LY86: variants seen among roughly 807,000 people sequenced by gnomAD.
LY86 encodes the protein lymphocyte antigen 86, also known as MD-1, RP105-associated.
In LY86, 20 loss-of-function variants were observed where a neutral mutation model predicts 17.3. The observed-to-expected ratio is 1.15, with a 90% CI of 0.81 to 1.68. The LOEUF (loss-of-function observed/expected upper bound fraction) is 1.68. Among genes scored for constraint, LY86 ranks in the 40% most tolerant of loss-of-function variants. The probability of loss-of-function intolerance (pLI) is 0.00; values close to 1 mark genes in which losing one functional copy is unlikely to be tolerated. For missense variants in LY86, 200 were observed against 191.9 expected, an observed-to-expected ratio of 1.04 and a Z score of -0.25; for synonymous variants, 74 against 70.6, an observed-to-expected ratio of 1.05 and a Z score of -0.24.
At chr6:6,629,342 T>C (rs1761863093) in intron 3 of LY86, among the ~76,000 whole-genome samples, 1 of 152,242 alleles carries the variant, frequency 6.6e-6, no homozygotes, top group South Asian at 2.1e-4. Flanking sequence ...TAAATTGTTT[T>C]AACCCACCCA....
At chr6:6,605,674 T>TC (rs1761097923) in intron 1 of LY86, among the ~76,000 whole-genome samples, 1 of 152,252 alleles carries the variant, frequency 6.6e-6, no homozygotes, top group African/African-American at 2.4e-5. Flanking sequence ...ATTGATGGGT[T>TC]CTTCATCTCA....
chr6:6,627,375 A>C (rs185942370), intron 3 of LY86, among the ~76,000 whole-genome samples: 6 of 152,350 alleles, frequency 3.9e-5, no homozygotes, highest in Admixed American at 2.0e-4. Context: ...GGATGCAGAC[A>C]AAAGAAAACA....
At chr6:6,602,326 C>A (rs1294359737) in intron 1 of LY86, among the ~76,000 whole-genome samples, 1 of 152,174 alleles carries the variant, frequency 6.6e-6, no homozygotes, top group African/African-American at 2.4e-5. Flanking sequence ...AACTAGCAGA[C>A]CCAAATCTAT....
At chr6:6,652,418 C>G (rs145210122) in intron 4 of LY86, among the ~76,000 whole-genome samples, 1 of 152,264 alleles carries the variant, frequency 6.6e-6, no homozygotes, top group Non-Finnish European at 1.5e-5. Flanking sequence ...GGGCTAATGG[C>G]AGTTCCCATG....
rs537794982 is a variant in LY86, at chr6:6,599,190, A to G, written c.136+10320A>G. Reference sequence around the variant, plus strand: ...TCCGTGCTCATCTAATGCTTGGGACATGACCCAATTTCCTTCCCATCTTTG... The same window carrying G: ...TCCGTGCTCATCTAATGCTTGGGACGTGACCCAATTTCCTTCCCATCTTTG... On this transcript the variant is annotated intron_variant, in intron 1 of 4. Coordinates refer to ENST00000230568, the MANE Select transcript of LY86 (RefSeq NM_004271.4). Among the ~76,000 whole-genome samples the G allele has an allele frequency of 3.9e-4, 60 of 152,356 alleles. 1 individual carries two copies. The highest frequency in any genetic ancestry group is 1.4e-3 in the African/African-American group (57 of 41,580).
At chr6:6,629,528 G>A (rs1030750790) in intron 3 of LY86, among the ~76,000 whole-genome samples, 1 of 152,214 alleles carries the variant, frequency 6.6e-6, no homozygotes, top group Admixed American at 6.5e-5. Context: ...TTAGCAGAGC[G>A]GTGAGAAAAC....
chr6:6,652,055 C>CAA (rs61606490), intron 4 of LY86, among the ~76,000 whole-genome samples: 20 of 59,280 alleles, frequency 3.4e-4, no homozygotes, highest in East Asian at 1.1e-3. Context: ...GACTCCATCT[C>CAA]AAAAAAAAAA....
chr6:6,613,256 C>T (rs574657655), intron 1 of LY86, among the ~76,000 whole-genome samples: 6 of 152,262 alleles, frequency 3.9e-5, no homozygotes, highest in Non-Finnish European at 5.9e-5. Context: ...AGCTGCCTGC[C>T]AATCCCGCGC....
intron 1 of LY86, among the ~76,000 whole-genome samples, chr6:6,613,658 C>T (rs1175520802): frequency 1.3e-5 from 2 of 152,254 alleles, no homozygotes; most frequent in East Asian, 1.9e-4. Flanking sequence ...GCTGAGGGAG[C>T]CGGCTCCGGC....
At chr6:6,620,010 A>AG (rs1020168211) in intron 1 of LY86, among the ~76,000 whole-genome samples, 2 of 152,002 alleles carry the variant, frequency 1.3e-5, no homozygotes, top group African/African-American at 2.4e-5. Flanking sequence ...GTGAGATTGG[A>AG]GGGGGGTCAG....
chr6:6,605,631 C>T (rs755054790), intron 1 of LY86, among the ~76,000 whole-genome samples: 60 of 152,386 alleles, frequency 3.9e-4, no homozygotes, highest in Non-Finnish European at 7.2e-4. Context: ...AAGCAACATT[C>T]CAATGTTTTC....
intron 3 of LY86, among the ~76,000 whole-genome samples, chr6:6,638,579 C>T (rs1424916079): frequency 7.2e-6 from 1 of 138,690 alleles, no homozygotes. Flanking sequence ...TATTTGATGG[C>T]GTAGACACAG....
At chr6:6,630,477 C>T (rs771701156) in intron 3 of LY86, among the ~76,000 whole-genome samples, 4 of 152,214 alleles carry the variant, frequency 2.6e-5, no homozygotes, top group Non-Finnish European at 4.4e-5. Flanking sequence ...TCGAGTCATT[C>T]AGATGTATTT....
intron 1 of LY86, among the ~76,000 whole-genome samples, chr6:6,606,569 C>A (rs546440812): frequency 1.3e-5 from 2 of 152,270 alleles, no homozygotes; most frequent in African/African-American, 4.8e-5. Context: ...GCCCACGGAG[C>A]GGGGGGAGGC....
intron 1 of LY86, 74 bp from the exon 2 acceptor site, chr6:6,624,852 T>C: frequency 1.5e-6 from 1 of 682,138 alleles, no homozygotes; most frequent in East Asian, 2.9e-5. Flanking sequence ...GAAAACAATA[T>C]TGTTGCAAAT....
At chr6:6,613,339 TCGGGGAGGCTTG>T (rs1761448213) in intron 1 of LY86, among the ~76,000 whole-genome samples, 1 of 152,086 alleles carries the variant, frequency 6.6e-6, no homozygotes. Context: ...GCGCTGCTCG[TCGGGGAGGCTTG>T]GCCTGCTCAT....
At chr6:6,650,579 C>T (rs542116946) in intron 4 of LY86, among the ~76,000 whole-genome samples, 6 of 152,252 alleles carry the variant, frequency 3.9e-5, no homozygotes, top group East Asian at 1.9e-4. Context: ...GTGATCCACC[C>T]GCCTCGGCCT....
At chr6:6,601,511 A>C (rs1201429965) in intron 1 of LY86, among the ~76,000 whole-genome samples, 1 of 152,190 alleles carries the variant, frequency 6.6e-6, no homozygotes, top group African/African-American at 2.4e-5. Flanking sequence ...TCACGAGGTC[A>C]GGAGATCGAG....
intron 3 of LY86, among the ~76,000 whole-genome samples, chr6:6,643,354 T>A (rs937899567): frequency 6.6e-6 from 1 of 152,244 alleles, no homozygotes; most frequent in Non-Finnish European, 1.5e-5. Flanking sequence ...AAAGAAATTC[T>A]GCCATTTGCA....
Sources: allele counts gnomAD v4.1 joint callset (sites outside exome capture counted in the v4.1 genomes callset), GRCh38; gene constraint gnomAD v4.1.1; transcripts MANE v1.5; gene names NCBI Gene and HGNC (gene_info 2026-07-23, HGNC 2026-07-21).